Variants in TDRD5 observed in about 807,000 individuals in gnomAD.
TDRD5 encodes the protein tudor domain-containing protein 5.
In TDRD5, 41 loss-of-function variants were observed where a neutral mutation model predicts 120.6. That is an observed-to-expected ratio of 0.34 (90% CI 0.26 to 0.44). TDRD5 has a LOEUF of 0.44. Ranked by LOEUF, TDRD5 falls within the 20% of genes least tolerant of loss-of-function variation. TDRD5 has a pLI of 1.00. For missense variants in TDRD5, 1,006 were observed against 1,221.2 expected (o/e 0.82, Z 2.63); for synonymous variants, 430 against 433.7 (o/e 0.99, Z 0.11).
At chr1:179,612,410 A>G (rs954972365) in intron 4 of TDRD5, among the ~76,000 whole-genome samples, 1 of 152,070 alleles carries the variant, frequency 6.6e-6, no homozygotes, top group Non-Finnish European at 1.5e-5. Context: ...TTTAGAGGAG[A>G]AATGAACATT....
intron 6 of TDRD5, among the ~76,000 whole-genome samples, chr1:179,629,229 A>G (rs1677303621): frequency 1.3e-5 from 2 of 152,150 alleles, no homozygotes; most frequent in African/African-American, 4.8e-5. Flanking sequence ...ACCCAATATA[A>G]AACTCAAAAA....
chr1:179,688,022 T>C (rs1680841487), intron 17 of TDRD5, among the ~76,000 whole-genome samples: 1 of 152,218 alleles, frequency 6.6e-6, no homozygotes, highest in Non-Finnish European at 1.5e-5. Context: ...TGTCTTTTAA[T>C]TGGAGCATTT....
intron 9 of TDRD5, 126 bp from the exon 10 acceptor site, chr1:179,639,713 C>T: frequency 1.1e-6 from 1 of 935,910 alleles, no homozygotes; most frequent in Non-Finnish European, 1.6e-6. Flanking sequence ...TGAGCATTAA[C>T]AATTTGACAA....
At chr1:179,664,430 C>T (rs35356166) in intron 16 of TDRD5, among the ~76,000 whole-genome samples, 1 of 152,034 alleles carries the variant, frequency 6.6e-6, no homozygotes, top group Non-Finnish European at 1.5e-5. Flanking sequence ...TCATCACGCT[C>T]TCAAAAAAAA....
rs557868178 is a variant in TDRD5 at position 179,604,152 on chromosome 1, G to A, written c.831+8334G>A. Among the ~76,000 whole-genome samples, 13 of 151,914 alleles carry A rather than the reference G, an allele frequency of 8.6e-5. No individual in the cohort carries two copies. In the East Asian group the frequency reaches 2.3e-3, roughly 27 times the overall value. ...TTATCCATGTCTTCTAGGTTTTCTA[G>A]TTTATGTGCATAAAGGTGTTTGTAG... On this transcript the variant is annotated intron_variant, in intron 4 of 17. Coordinates refer to ENST00000444136, the MANE Select transcript of TDRD5 (RefSeq NM_001199085.3).
At chr1:179,595,885 A>G in intron 4 of TDRD5, 67 bp downstream of exon 4, 1 of 1,429,466 alleles carries the variant, frequency 7.0e-7, no homozygotes, top group Non-Finnish European at 9.3e-7. Context: ...TAACACTTTG[A>G]TCTGATGGAA....
At chr1:179,595,953 C>T in intron 4 of TDRD5, 135 bp downstream of exon 4, 1 of 853,176 alleles carries the variant, frequency 1.2e-6, no homozygotes, top group South Asian at 2.3e-5. Flanking sequence ...CTAAGCATTT[C>T]CTATGGTTCT....
chr1:179,670,291 C>T (rs1367746555), intron 17 of TDRD5, among the ~76,000 whole-genome samples: 3 of 151,582 alleles, frequency 2.0e-5, no homozygotes, highest in Admixed American at 2.0e-4. Context: ...TTGGGGGAGG[C>T]TGAGGCAGGA....
At chr1:179,609,204 A>G (rs1676151256) in intron 4 of TDRD5, among the ~76,000 whole-genome samples, 1 of 152,156 alleles carries the variant, frequency 6.6e-6, no homozygotes, top group African/African-American at 2.4e-5. Context: ...AATATCCCTT[A>G]TCTGAAATGC....
In TDRD5 at chr1:179,691,033, T is replaced by C. The variant is rs1681124487; in HGVS notation, c.*90T>C. On this transcript the variant is annotated 3_prime_UTR_variant, in exon 18 of 18. Transcript: ENST00000444136. The stretch of plus-strand genomic sequence containing the variant: ...AAAATGAGGAGTTATTGAAGCAAAA[T>C]AGTATCTTGATCATTGATACTTTTG... The C allele has an allele frequency of 6.8e-7, 1 of 1,479,830 alleles. No homozygotes were observed. Among genetic ancestry groups the C allele is most frequent in the East Asian group, 2.3e-5 (1 of 43,020 alleles). 91.7% of individuals were successfully genotyped at this position (1,479,830 alleles called of 1,614,324 possible).
intron 13 of TDRD5, among the ~76,000 whole-genome samples, chr1:179,653,397 A>G (rs1363535205): frequency 6.6e-6 from 1 of 152,134 alleles, no homozygotes; most frequent in Non-Finnish European, 1.5e-5. Flanking sequence ...GAGATTACCT[A>G]TTATGAAAAA....
chr1:179,656,989 G>A (rs1306025934), intron 14 of TDRD5, among the ~76,000 whole-genome samples: 1 of 152,124 alleles, frequency 6.6e-6, no homozygotes, highest in Non-Finnish European at 1.5e-5. Flanking sequence ...GAAGACAGAG[G>A]GAGGTTGCAG....
At chr1:179,659,746 G>A (rs753204995) in intron 14 of TDRD5, among the ~76,000 whole-genome samples, 15 of 151,958 alleles carry the variant, frequency 9.9e-5, no homozygotes, top group Non-Finnish European at 2.1e-4. Flanking sequence ...TTCCCAGGCT[G>A]GAGTGCAATG....
chr1:179,675,922 T>C (rs1032658048), intron 17 of TDRD5, among the ~76,000 whole-genome samples: 7 of 152,164 alleles, frequency 4.6e-5, no homozygotes, highest in Non-Finnish European at 8.8e-5. Flanking sequence ...TTTGTTGACT[T>C]TCTGTCTAGT....
At chr1:179,664,118 G>T (rs1254473340) in intron 16 of TDRD5, among the ~76,000 whole-genome samples, 1 of 152,148 alleles carries the variant, frequency 6.6e-6, no homozygotes, top group Non-Finnish European at 1.5e-5. Context: ...CAGATCTAGG[G>T]AAGATGAACC....
At chr1:179,675,494 T>C (rs1326776611) in intron 17 of TDRD5, among the ~76,000 whole-genome samples, 1 of 151,092 alleles carries the variant, frequency 6.6e-6, no homozygotes, top group Non-Finnish European at 1.5e-5. Flanking sequence ...TTAGCCAGGA[T>C]GGTCTCGATC....
rs1256789736 is a variant in TDRD5 at position 179,630,940 on chromosome 1, G to C, written c.1126+20G>C. On this transcript the variant is annotated intron_variant, in intron 7 of 17. Coordinates refer to ENST00000444136, the MANE Select transcript of TDRD5 (RefSeq NM_001199085.3). Reference sequence around the variant, plus strand: ...CACCTGGTGAGTGGAACCACAGTATGATGCAAACCTCATTTTTATTGTCCT... The same window carrying C: ...CACCTGGTGAGTGGAACCACAGTATCATGCAAACCTCATTTTTATTGTCCT... The C allele has an allele frequency of 6.3e-7, 1 of 1,594,154 alleles. No homozygotes were observed. The highest frequency in any genetic ancestry group is 1.8e-5 in the Admixed American group (1 of 55,172).
intron 4 of TDRD5, among the ~76,000 whole-genome samples, chr1:179,614,432 T>C (rs943103975): frequency 6.6e-6 from 1 of 152,206 alleles, no homozygotes; most frequent in African/African-American, 2.4e-5. Flanking sequence ...TTTTTGCTAT[T>C]AAAAATAACC....
intron 6 of TDRD5, among the ~76,000 whole-genome samples, chr1:179,630,276 C>T (rs1190684329): frequency 2.0e-5 from 3 of 152,118 alleles, no homozygotes; most frequent in Admixed American, 6.6e-5. Context: ...GGATTACAGG[C>T]GTGAGCCACC....
Sources: gnomAD v4.1 joint callset for allele counts (sites outside exome capture counted in the v4.1 genomes callset) on GRCh38, gnomAD v4.1.1 for gene constraint, MANE v1.5 for transcripts, NCBI Gene and HGNC (gene_info 2026-07-23, HGNC 2026-07-21) for gene names.